GRM8: variants seen among roughly 807,000 people sequenced by gnomAD.
The protein encoded by GRM8 is glutamate metabotropic receptor 8.
A neutral mutation model predicts 87.2 loss-of-function variants in GRM8; 47 were observed. The observed-to-expected ratio is 0.54, with a 90% confidence interval of 0.43 to 0.69. The LOEUF (loss-of-function observed/expected upper bound fraction) is 0.69. Among genes scored for constraint, GRM8 ranks in the 30% least tolerant of loss-of-function variants. GRM8 has a pLI of 0.00. For synonymous variants in GRM8, 396 were observed against 404.5 expected, an observed-to-expected ratio of 0.98 and a Z score of 0.25; for missense variants, 1,019 against 1,139.2, an observed-to-expected ratio of 0.89 and a Z score of 1.52.
chr7:127,203,260 A>T (rs1259794683), intron 2 of GRM8, among the ~76,000 whole-genome samples: 2 of 152,214 alleles, frequency 1.3e-5, no homozygotes, highest in Non-Finnish European at 2.9e-5. Context: ...AAAAATGGAA[A>T]CAGAGACTGG....
chr7:126,548,767 G>A (rs1817451894), intron 8 of GRM8, among the ~76,000 whole-genome samples: 1 of 152,172 alleles, frequency 6.6e-6, no homozygotes, highest in Non-Finnish European at 1.5e-5. Context: ...AACACATCAA[G>A]GACCCATTAA....
chr7:126,890,883 C>T (rs1306657014), intron 6 of GRM8, among the ~76,000 whole-genome samples: 2 of 152,030 alleles, frequency 1.3e-5, no homozygotes, highest in Non-Finnish European at 2.9e-5. Flanking sequence ...GCAATTTCCA[C>T]TCCACATACT....
intron 8 of GRM8, among the ~76,000 whole-genome samples, chr7:126,549,378 A>C (rs1214564717): frequency 6.6e-6 from 1 of 152,164 alleles, no homozygotes; most frequent in Non-Finnish European, 1.5e-5. Context: ...AGAAAAGCCC[A>C]ATAAAATTCA....
intron 8 of GRM8, among the ~76,000 whole-genome samples, chr7:126,565,199 A>G (rs1794107442): frequency 6.6e-6 from 1 of 152,190 alleles, no homozygotes; most frequent in Non-Finnish European, 1.5e-5. Context: ...AGCCAGGGCA[A>G]TTAGACAAGA....
At chr7:126,598,662 G>A (rs1211425301) in intron 8 of GRM8, among the ~76,000 whole-genome samples, 1 of 147,068 alleles carries the variant, frequency 6.8e-6, no homozygotes, top group Non-Finnish European at 1.5e-5. Flanking sequence ...AGAAAATTAA[G>A]TAAAATAGAA....
intron 3 of GRM8, among the ~76,000 whole-genome samples, chr7:127,104,231 GA>G (rs950118772): frequency 1.3e-5 from 2 of 152,074 alleles, no homozygotes; most frequent in Non-Finnish European, 2.9e-5. Flanking sequence ...CAAAAAAATT[GA>G]ATGTATACAT....
At chr7:126,441,238 T>C (rs1238455381) in intron 10 of GRM8, among the ~76,000 whole-genome samples, 1 of 152,062 alleles carries the variant, frequency 6.6e-6, no homozygotes, top group South Asian at 2.1e-4. Context: ...CCAATGCATA[T>C]TTATGGTTTC....
At chr7:126,477,033 A>G (rs1054379244) in intron 9 of GRM8, among the ~76,000 whole-genome samples, 3 of 152,162 alleles carry the variant, frequency 2.0e-5, no homozygotes, top group African/African-American at 4.8e-5. Flanking sequence ...GATATATTCA[A>G]TTCTTTAATA....
At chr7:127,180,779 G>A (rs972871786) in intron 2 of GRM8, among the ~76,000 whole-genome samples, 1 of 151,926 alleles carries the variant, frequency 6.6e-6, no homozygotes, top group South Asian at 2.1e-4. Flanking sequence ...AAAAGCATTC[G>A]ACAAAATCCA....
At chr7:127,088,268 C>A (rs1276883870) in intron 3 of GRM8, among the ~76,000 whole-genome samples, 1 of 152,118 alleles carries the variant, frequency 6.6e-6, no homozygotes, top group Admixed American at 6.5e-5. Context: ...CTGCATTCTG[C>A]CACAGATAAC....
intron 8 of GRM8, among the ~76,000 whole-genome samples, chr7:126,571,547 TTTCTA>T (rs1794691635): frequency 6.6e-6 from 1 of 152,074 alleles, no homozygotes. Context: ...AATAGTAAGA[TTTCTA>T]GTGTGTGTGC....
chr7:126,770,652 C>T (rs1447538618), intron 6 of GRM8, among the ~76,000 whole-genome samples: 1 of 151,912 alleles, frequency 6.6e-6, no homozygotes, highest in African/African-American at 2.4e-5. Context: ...ATGTAGATAC[C>T]TCAAAATGAA....
chr7:126,704,863 G>C (rs1585596668), intron 7 of GRM8, among the ~76,000 whole-genome samples: 1 of 152,084 alleles, frequency 6.6e-6, no homozygotes, highest in African/African-American at 2.4e-5. Flanking sequence ...ATTTCACCCC[G>C]TCCTGTCCTG....
At chr7:126,996,416 G>T (rs1813179161) in intron 3 of GRM8, among the ~76,000 whole-genome samples, 1 of 151,618 alleles carries the variant, frequency 6.6e-6, no homozygotes, top group African/African-American at 2.4e-5. Flanking sequence ...AGTACAACAA[G>T]ACAAAGAAAA....
chr7:126,793,276 T>C (rs1821564952), intron 6 of GRM8, among the ~76,000 whole-genome samples: 1 of 152,328 alleles, frequency 6.6e-6, no homozygotes, highest in South Asian at 2.1e-4. Context: ...AATTGCATTT[T>C]ATTGTTTTGC....
In GRM8 at chr7:126,800,761, C is replaced by T. The variant is rs141103146; in HGVS notation, c.1157-30696G>A. On this transcript the variant is annotated intron_variant, in intron 6 of 10. Coordinates refer to ENST00000339582, the MANE Select transcript of GRM8 (RefSeq NM_000845.3). ...ATAAAGTGTTTAAAAGAAAATAGAG[C>T]GCTAATATTTCCCTGCCTTGAGAAA... Among the ~76,000 whole-genome samples the T allele has an allele frequency of 5.4e-3, 818 of 152,106 alleles. 7 individuals are homozygous for T. The highest frequency in any genetic ancestry group is 0.018 in the African/African-American group (765 of 41,506).
intron 9 of GRM8, among the ~76,000 whole-genome samples, chr7:126,497,424 A>C (rs888351547): frequency 3.3e-5 from 5 of 151,922 alleles, no homozygotes; most frequent in Non-Finnish European, 5.9e-5. Flanking sequence ...CTGACATCTA[A>C]CTTGGCATTT....
At chr7:126,750,193 C>A (rs1816260100) in intron 7 of GRM8, among the ~76,000 whole-genome samples, 1 of 152,072 alleles carries the variant, frequency 6.6e-6, no homozygotes. Flanking sequence ...ATTTTAAAAA[C>A]TTCGTGCTAA....
intron 7 of GRM8, among the ~76,000 whole-genome samples, chr7:126,762,450 T>C (rs970683278): frequency 5.3e-5 from 8 of 151,870 alleles, no homozygotes; most frequent in Non-Finnish European, 1.0e-4. Context: ...AACACCATTA[T>C]ATAGTGTTAT....
Sources: gnomAD v4.1 joint callset for allele counts (sites outside exome capture counted in the v4.1 genomes callset) on GRCh38, gnomAD v4.1.1 for gene constraint, MANE v1.5 for transcripts, NCBI Gene and HGNC (gene_info 2026-07-23, HGNC 2026-07-21) for gene names.